Variants in NR3C2 observed in about 807,000 individuals in gnomAD.
NR3C2 encodes the protein nuclear receptor subfamily 3 group C member 2, also known as mineralocorticoid receptor.
Under a neutral mutation model 86.4 loss-of-function variants are expected in NR3C2, and 15 were observed. That is an observed-to-expected ratio of 0.17 (90% CI 0.12 to 0.27). NR3C2 has a LOEUF of 0.27. Ranked by LOEUF, NR3C2 falls within the 10% of genes least tolerant of loss-of-function variation. The pLI is 1.00. For missense variants in NR3C2, 960 were observed against 1,195.6 expected (o/e 0.80, Z 2.91); for synonymous variants, 458 against 450.5 (o/e 1.02, Z -0.21).
chr4:148,274,844 C>A (rs2149889571), intron 2 of NR3C2, among the ~76,000 whole-genome samples: 1 of 151,694 alleles, frequency 6.6e-6, no homozygotes, highest in Non-Finnish European at 1.5e-5. Context: ...ATTACAGGTT[C>A]CCACCACCAC....
chr4:148,167,244 G>A (rs754048220), intron 4 of NR3C2, among the ~76,000 whole-genome samples: 2 of 152,168 alleles, frequency 1.3e-5, no homozygotes, highest in Non-Finnish European at 2.9e-5. Flanking sequence ...CTCTTGACTA[G>A]GATTCAAGTC....
At chr4:148,340,180 C>T (rs1042516442) in intron 2 of NR3C2, among the ~76,000 whole-genome samples, 25 of 152,068 alleles carry the variant, frequency 1.6e-4, no homozygotes, top group African/African-American at 6.0e-4. Context: ...CTGTATGGAA[C>T]CACAAAAGAC....
At chr4:148,253,843 G>A (rs972076378) in intron 3 of NR3C2, among the ~76,000 whole-genome samples, 3 of 152,170 alleles carry the variant, frequency 2.0e-5, no homozygotes, top group Admixed American at 6.5e-5. Flanking sequence ...GGCAGGGATC[G>A]TTGTCCAAGA....
chr4:148,177,041 A>G (rs1440241537), intron 4 of NR3C2, among the ~76,000 whole-genome samples: 14 of 152,218 alleles, frequency 9.2e-5, no homozygotes, highest in Non-Finnish European at 1.5e-5. Context: ...ATGAAGCAGC[A>G]CATTCTAGTG....
chr4:148,186,156 C>T (rs1409709057), intron 4 of NR3C2, among the ~76,000 whole-genome samples: 1 of 152,014 alleles, frequency 6.6e-6, no homozygotes, highest in Non-Finnish European at 1.5e-5. Context: ...AATGTTTTAT[C>T]CTTGTCAAAA....
chr4:148,246,471 T>C (rs894716683), intron 3 of NR3C2, among the ~76,000 whole-genome samples: 2 of 152,206 alleles, frequency 1.3e-5, no homozygotes, highest in East Asian at 3.8e-4. Context: ...GAAATCACAT[T>C]CTTCTTGTAG....
At position 148,078,998 on chromosome 4, in the gene NR3C2, T is replaced by G. The variant is rs1730417181; in HGVS notation, c.*2346A>C. On this transcript the variant is annotated 3_prime_UTR_variant, in exon 9 of 9. Transcript: ENST00000358102. ...TGGGACAGGCATTCAACAGTGAATT[T>G]AGAATATGGCTTTGCTGTTTAATCA... 1 of 152,642 alleles carries G rather than the reference T, an allele frequency of 6.6e-6. No homozygotes were observed. The highest frequency in any genetic ancestry group is 2.4e-5 in the African/African-American group (1 of 41,440). The allele number at this position is 152,642 out of a possible 1,614,324, so 9.5% of individuals were successfully genotyped here. A position where few individuals can be genotyped will look rare whatever the true frequency, so the allele number is the denominator to read the frequency against.
intron 3 of NR3C2, among the ~76,000 whole-genome samples, chr4:148,220,112 G>T (rs1737759818): frequency 6.6e-6 from 1 of 150,810 alleles, no homozygotes; most frequent in African/African-American, 2.4e-5. Flanking sequence ...TTTAAGACCG[G>T]GTCTCACTGT....
chr4:148,333,693 G>A (rs1363215864), intron 2 of NR3C2, among the ~76,000 whole-genome samples: 1 of 152,100 alleles, frequency 6.6e-6, no homozygotes, highest in Non-Finnish European at 1.5e-5. Context: ...CCTACCCCTA[G>A]CTGATATAAA....
rs781681562 is a variant in NR3C2, at chr4:148,114,264, G to T, written c.2642-3C>A. 1 of 1,613,762 alleles carries T rather than the reference G, an allele frequency of 6.2e-7. No individual in the cohort carries two copies. The highest frequency in any genetic ancestry group is 2.2e-5 in the East Asian group (1 of 44,874). On this transcript the variant is annotated splice_region_variant and splice_polypyrimidine_tract_variant and intron_variant, in intron 7 of 8. Coordinates refer to ENST00000358102, the MANE Select transcript of NR3C2 (RefSeq NM_000901.5). ...GCTTTTGAGGCCATCCTTTGGAACT[G>T]TGTTAAGGAAAACAGACATGTAAAT... is the stretch of plus-strand genomic sequence containing the variant.
Position 148,323,804 on chromosome 4 carries a change from G to A in NR3C2, c.1758-63687C>T, listed in dbSNP as rs192435949. On this transcript the variant is annotated intron_variant, in intron 2 of 8. Coordinates refer to ENST00000358102, the MANE Select transcript of NR3C2 (RefSeq NM_000901.5). ...TGGCACTCCCTAGTGCGATGAACCC[G>A]GTACCTCAGATGGAAATGCAGAAAT... Among the ~76,000 whole-genome samples, 729 of 152,236 alleles carry A rather than the reference G, an allele frequency of 4.8e-3. 2 individuals are homozygous for A. The highest frequency in any genetic ancestry group is 8.4e-3 in the Non-Finnish European group (568 of 68,012).
chr4:148,184,121 A>C (rs1410070502), intron 4 of NR3C2, among the ~76,000 whole-genome samples: 3 of 152,090 alleles, frequency 2.0e-5, no homozygotes, highest in Non-Finnish European at 4.4e-5. Flanking sequence ...TAAGTTACTG[A>C]CTGAGTTAAT....
intron 4 of NR3C2, among the ~76,000 whole-genome samples, chr4:148,156,929 A>G (rs1018753767): frequency 2.8e-4 from 43 of 152,102 alleles, no homozygotes; most frequent in South Asian, 1.7e-3. Flanking sequence ...TGATAGACTG[A>G]ATTAAGAAAA....
rs546613336 is a variant in NR3C2, at chr4:148,388,792, T to C, written c.1757+46312A>G. Among the ~76,000 whole-genome samples the C allele has an allele frequency of 9.1e-4, 139 of 152,296 alleles. 2 individuals are homozygous for C. The South Asian group carries it at 0.027, about 30-fold the overall frequency. The stretch of plus-strand genomic sequence containing the variant: ...TGGCTGACAATTGGAAAGTACTCTT[T>C]AGTCGCAAGGCTTGCAGAAGACCCA... On this transcript the variant is annotated intron_variant, in intron 2 of 8. Transcript: ENST00000358102.
intron 4 of NR3C2, among the ~76,000 whole-genome samples, chr4:148,189,649 C>A (rs1358951681): frequency 2.0e-5 from 3 of 152,116 alleles, no homozygotes; most frequent in Non-Finnish European, 1.5e-5. Flanking sequence ...TCCATCTGGT[C>A]CTGGACTTTT....
intron 2 of NR3C2, among the ~76,000 whole-genome samples, chr4:148,432,185 C>G (rs1749826822): frequency 6.6e-6 from 1 of 152,082 alleles, no homozygotes; most frequent in South Asian, 2.1e-4. Context: ...AGACTACTGT[C>G]ACACTTAATA....
chr4:148,231,011 A>C (rs1282479496), intron 3 of NR3C2, among the ~76,000 whole-genome samples: 1 of 152,224 alleles, frequency 6.6e-6, no homozygotes, highest in Non-Finnish European at 1.5e-5. Context: ...CTAACAGAGA[A>C]GACTGCTTTT....
At chr4:148,253,903 T>G (rs1739698739) in intron 3 of NR3C2, among the ~76,000 whole-genome samples, 1 of 152,146 alleles carries the variant, frequency 6.6e-6, no homozygotes, top group African/African-American at 2.4e-5. Context: ...AGGTATTGAG[T>G]AAATGTTTGC....
intron 8 of NR3C2, among the ~76,000 whole-genome samples, chr4:148,099,168 C>T (rs898469191): frequency 5.3e-5 from 8 of 152,198 alleles, no homozygotes; most frequent in South Asian, 2.1e-4. Flanking sequence ...TGCGTAACTG[C>T]GTAATTGGTG....
Sources: allele counts gnomAD v4.1 joint callset (sites outside exome capture counted in the v4.1 genomes callset), GRCh38; gene constraint gnomAD v4.1.1; transcripts MANE v1.5; gene names NCBI Gene and HGNC (gene_info 2026-07-23, HGNC 2026-07-21).